The following KRABD1 variants were observed in gnomAD, a reference collection of about 807,000 sequenced individuals.
The protein encoded by KRABD1 is KRAB domain containing 1.
chr3:42,941,381 T>G, the KRABD1 span: 7 of 1,553,372 alleles, frequency 4.5e-6, no homozygotes, highest in Non-Finnish European at 4.3e-6. Context: ...TGGTTTCTGC[T>G]TGGGCCCTCA....
chr3:42,938,386 T>C, the KRABD1 span: 2 of 152,376 alleles, frequency 1.3e-5, no homozygotes, highest in Non-Finnish European at 2.9e-5. Flanking sequence ...TGTTCTAATA[T>C]TAAGTAGCAT....
the KRABD1 span, chr3:42,941,883 C>G: frequency 1.1e-6 from 1 of 905,558 alleles, no homozygotes; most frequent in Admixed American, 2.0e-5. Flanking sequence ...CTTGCTTGTT[C>G]TTGTAGCCAC....
At chr3:42,942,511 A>C in the KRABD1 span, 29 of 613,164 alleles carry the variant, frequency 4.7e-5, no homozygotes, top group Non-Finnish European at 6.5e-5. Context: ...TTAAGCTTAC[A>C]GTTGTTATGA....
At chr3:42,941,837 C>T in the KRABD1 span, 22 of 671,394 alleles carry the variant, frequency 3.3e-5, no homozygotes, top group East Asian at 1.1e-4. Flanking sequence ...GGGTACCTCT[C>T]GTATAGCTCA....
At chr3:42,941,988 C>G in the KRABD1 span, 2 of 1,535,986 alleles carry the variant, frequency 1.3e-6, no homozygotes, top group Non-Finnish European at 1.7e-6. Context: ...GCTTTGGTCT[C>G]TCATCTGGAG....
At chr3:42,939,906 T>C in the KRABD1 span, among the ~76,000 whole-genome samples, 1 of 152,212 alleles carries the variant, frequency 6.6e-6, no homozygotes, top group African/African-American at 2.4e-5. Flanking sequence ...TTCTTATTTA[T>C]TGTAAGTCCT....
chr3:42,941,185 A>G, the KRABD1 span: 2 of 1,529,126 alleles, frequency 1.3e-6, no homozygotes, highest in Middle Eastern at 1.7e-4. Flanking sequence ...GACCATCACC[A>G]AAGTACTGAG....
the KRABD1 span, chr3:42,941,830 TAC>T: frequency 1.6e-6 from 1 of 643,172 alleles, no homozygotes; most frequent in Non-Finnish European, 2.8e-6. Flanking sequence ...CTCTTTAGGG[TAC>T]CTCTCGTATA....
chr3:42,939,211 C>G, the KRABD1 span, among the ~76,000 whole-genome samples: 2 of 152,184 alleles, frequency 1.3e-5, no homozygotes, highest in Admixed American at 1.3e-4. Flanking sequence ...CCCCTTCATA[C>G]TGCCTCCCAA....
the KRABD1 span, chr3:42,938,952 T>A: frequency 2.0e-6 from 3 of 1,521,904 alleles, no homozygotes; most frequent in Non-Finnish European, 2.6e-6. Context: ...TTTTTCTATC[T>A]CTGTACATAT....
the KRABD1 span, chr3:42,937,328 T>C: frequency 6.6e-6 from 1 of 152,196 alleles, no homozygotes; most frequent in Non-Finnish European, 1.5e-5. Context: ...GGAAGACACT[T>C]CCATAGGGAG....
At chr3:42,941,864 C>A in the KRABD1 span, 1 of 759,942 alleles carries the variant, frequency 1.3e-6, no homozygotes, top group Non-Finnish European at 2.3e-6. Context: ...AATTACTCTC[C>A]TCACCTCCCT....
the KRABD1 span, chr3:42,938,908 G>C: frequency 6.5e-6 from 10 of 1,532,168 alleles, no homozygotes; most frequent in African/African-American, 1.2e-4. Flanking sequence ...GATGACAGCT[G>C]TGTCCTTAAC....
At chr3:42,939,071 C>G in the KRABD1 span, 5 of 577,352 alleles carry the variant, frequency 8.7e-6, no homozygotes, top group Admixed American at 1.5e-4. Flanking sequence ...TGTGTACACA[C>G]ACACATTTCT....
the KRABD1 span, among the ~76,000 whole-genome samples, chr3:42,939,911 A>G: frequency 6.6e-6 from 1 of 152,066 alleles, no homozygotes; most frequent in Admixed American, 6.5e-5. Context: ...ATTTATTGTA[A>G]GTCCTTTGTC....
chr3:42,938,842 A>T, the KRABD1 span: 5 of 1,322,448 alleles, frequency 3.8e-6, no homozygotes, highest in Admixed American at 2.2e-5. Flanking sequence ...TTTTTTCTTT[A>T]CCTTCAGCAC....
At chr3:42,940,365 A>C in the KRABD1 span, among the ~76,000 whole-genome samples, 1 of 152,174 alleles carries the variant, frequency 6.6e-6, no homozygotes, top group African/African-American at 2.4e-5. Flanking sequence ...CATGACACTC[A>C]CTGTTGGTGA....
At chr3:42,941,871 C>T in the KRABD1 span, 17 of 794,086 alleles carry the variant, frequency 2.1e-5, no homozygotes, top group Non-Finnish European at 3.6e-5. Flanking sequence ...CTCCTCACCT[C>T]CCTTGCTTGT....
At chr3:42,937,502 A>G in the KRABD1 span, 8 of 152,220 alleles carry the variant, frequency 5.3e-5, no homozygotes, top group East Asian at 1.9e-4. Flanking sequence ...CTGCCGATAC[A>G]ATGACAGTAT....
Sources: gnomAD v4.1 joint callset for allele counts (sites outside exome capture counted in the v4.1 genomes callset) on GRCh38, gnomAD v4.1.1 for gene constraint, MANE v1.5 for transcripts, NCBI Gene and HGNC (gene_info 2026-07-23, HGNC 2026-07-21) for gene names.